The following LARP1 variants were observed in gnomAD, a reference collection of about 807,000 sequenced individuals.
The protein encoded by LARP1 is La ribonucleoprotein 1, translational regulator.
Under a neutral mutation model 122.7 loss-of-function variants are expected in LARP1, and 36 were observed. That is an observed-to-expected ratio of 0.29 (90% CI 0.22 to 0.39). The LOEUF (loss-of-function observed/expected upper bound fraction) is 0.39. LARP1 is among the 10% of genes least tolerant of loss of function. LARP1 has a pLI of 1.00. For missense variants in LARP1, 1,040 were observed against 1,403.6 expected, an observed-to-expected ratio of 0.74 and a Z score of 4.14; for synonymous variants, 539 against 528.7, an observed-to-expected ratio of 1.02 and a Z score of -0.27.
At position 154,783,496 on chromosome 5, in the gene LARP1, G is replaced by T. The variant is rs113158357; in HGVS notation, c.437-6829G>T. On this transcript the variant is annotated intron_variant, in intron 1 of 18. Coordinates refer to ENST00000518297, the MANE Select transcript of LARP1 (RefSeq NM_033551.3). ...CTGCTATTGAGAAACTGTCCTGTTG[G>T]CTACAATAAGGTTGTAACTTATACC... Among the ~76,000 whole-genome samples, 770 of 152,258 alleles carry T rather than the reference G, an allele frequency of 5.1e-3. 2 individuals are homozygous for T. The highest frequency in any genetic ancestry group is 0.017 in the African/African-American group (723 of 41,530).
chr5:154,801,586 A>G (rs1328017500), intron 10 of LARP1, among the ~76,000 whole-genome samples: 1 of 152,224 alleles, frequency 6.6e-6, no homozygotes, highest in Non-Finnish European at 1.5e-5. Flanking sequence ...TGAGTATATA[A>G]TGGAAAGCAA....
At chr5:154,759,464 C>A (rs1332735652) in intron 1 of LARP1, among the ~76,000 whole-genome samples, 1 of 152,132 alleles carries the variant, frequency 6.6e-6, no homozygotes, top group Non-Finnish European at 1.5e-5. Flanking sequence ...GTTGCTGACT[C>A]TTAAGAATTA....
At chr5:154,727,013 A>G (rs1413334080) in intron 1 of LARP1, among the ~76,000 whole-genome samples, 5 of 152,210 alleles carry the variant, frequency 3.3e-5, no homozygotes, top group Non-Finnish European at 2.9e-5. Flanking sequence ...GGGGATCATT[A>G]TAATTCAAGG....
intron 1 of LARP1, among the ~76,000 whole-genome samples, chr5:154,684,916 A>T (rs1753855007): frequency 6.6e-6 from 1 of 152,090 alleles, no homozygotes; most frequent in South Asian, 2.1e-4. Flanking sequence ...AGGGAGTGGG[A>T]TATGGAAGGG....
chr5:154,687,787 C>G (rs1424041323), intron 1 of LARP1, among the ~76,000 whole-genome samples: 2 of 152,098 alleles, frequency 1.3e-5, no homozygotes, highest in South Asian at 2.1e-4. Context: ...CAGGATAACA[C>G]GAGAGAACCT....
At chr5:154,762,283 G>A (rs1193985568) in intron 1 of LARP1, among the ~76,000 whole-genome samples, 1 of 151,864 alleles carries the variant, frequency 6.6e-6, no homozygotes, top group Non-Finnish European at 1.5e-5. Context: ...CCTACACAGA[G>A]GTAAGATGTA....
rs188723605 is a variant in LARP1 at position 154,755,686 on chromosome 5, C to T, written c.-72C>T. 7.6e-4 allele frequency: 748 copies of T among 987,810 alleles called. 6 individuals carry two copies. In the African/African-American group the frequency reaches 0.012, roughly 16 times the overall value. 61.2% of individuals were successfully genotyped at this position (987,810 alleles called of 1,614,324 possible). ...CCCGGAGGAAGGCGTCGCGGGCGCT[C>T]TGCTAGCCAAGTTCGAGGCGGGGGA... On this transcript the variant is annotated 5_prime_UTR_variant, in exon 1 of 19. Transcript: ENST00000518297.
intron 1 of LARP1, among the ~76,000 whole-genome samples, chr5:154,775,598 GTT>G (rs921789226): frequency 4.6e-5 from 7 of 152,132 alleles, no homozygotes; most frequent in African/African-American, 1.7e-4. Flanking sequence ...AATAAACAGT[GTT>G]TTTGATTCTT....
rs367840910 is a variant in LARP1, at chr5:154,705,117, C to A, written c.-180+22080C>A. On this transcript the variant is annotated intron_variant, in intron 1 of 18. Coordinates refer to the LARP1 transcript ENST00000687700. ...TGGGCGACAGATCAAGACTCCGTCT[C>A]AAAAAAAAAAAAAAAAAGGCAAAGG... 2.8e-3 allele frequency among the ~76,000 whole-genome samples: 303 copies of A among 107,052 alleles called. 1 individual carries two copies. Among genetic ancestry groups the A allele is most frequent in the South Asian group, 6.2e-3 (17 of 2,764 alleles). 70.2% of individuals were successfully genotyped at this position (107,052 alleles called of 152,430 possible).
At chr5:154,746,010 G>A (rs1172783426) in intron 1 of LARP1, among the ~76,000 whole-genome samples, 1 of 152,174 alleles carries the variant, frequency 6.6e-6, no homozygotes, top group Non-Finnish European at 1.5e-5. Flanking sequence ...TGGCCGGCCA[G>A]GATAGTCTCA....
chr5:154,723,451 A>G (rs1323645992), intron 1 of LARP1, among the ~76,000 whole-genome samples: 1 of 152,106 alleles, frequency 6.6e-6, no homozygotes, highest in African/African-American at 2.4e-5. Context: ...ATGGACTGGG[A>G]TGGGGAAAGT....
intron 1 of LARP1, among the ~76,000 whole-genome samples, chr5:154,696,164 C>T (rs1298721434): frequency 6.6e-6 from 1 of 151,964 alleles, no homozygotes; most frequent in Non-Finnish European, 1.5e-5. Context: ...TGAGACCAGC[C>T]AGGGTAACAC....
rs1030224452 is a variant in LARP1 at position 154,802,439 on chromosome 5, G to A, written c.2109+40G>A. 1.3e-6 allele frequency: 2 copies of A among 1,544,034 alleles called. No individual in the cohort carries two copies. The highest frequency in any genetic ancestry group is 1.7e-6 in the Non-Finnish European group (2 of 1,147,186). On this transcript the variant is annotated intron_variant, in intron 11 of 18. Transcript: ENST00000518297. This position sits in a 1 kb window ranked among gnomAD's most constrained non-coding sequence, Gnocchi z 5.1. ...TAGCAGTGAGTGTGGAGCCTGGTGT[G>A]CCTGTATTGTACGGAGAAGAGGAAG... is the stretch of plus-strand genomic sequence containing the variant.
Position 154,808,623 on chromosome 5 carries a change from G to A in LARP1, c.2843+20G>A, listed in dbSNP as rs1161234587. 6.2e-7 allele frequency: 1 copy of A among 1,606,254 alleles called. No homozygotes were observed. Among genetic ancestry groups the A allele is most frequent in the South Asian group, 1.1e-5 (1 of 90,156 alleles). On this transcript the variant is annotated intron_variant, in intron 16 of 18. Coordinates refer to ENST00000518297, the MANE Select transcript of LARP1 (RefSeq NM_033551.3). ...CTACAGGTGAGCAGGTTTGGGTGGG[G>A]GACTTTGGCTGGTGCTTAGGGATGA...
chr5:154,755,024 A>G (rs1753718406), upstream of LARP1, among the ~76,000 whole-genome samples: 1 of 151,806 alleles, frequency 6.6e-6, no homozygotes, highest in Non-Finnish European at 1.5e-5. Context: ...GCCCTTTAAG[A>G]TACCTCCCCT....
At chr5:154,781,925 A>G (rs1385864627) in intron 1 of LARP1, among the ~76,000 whole-genome samples, 1 of 152,146 alleles carries the variant, frequency 6.6e-6, no homozygotes, top group African/African-American at 2.4e-5. Context: ...CACAGATGCA[A>G]CCATTTCAGG....
chr5:154,754,132 G>A (rs1037200157), upstream of LARP1, among the ~76,000 whole-genome samples: 5 of 152,126 alleles, frequency 3.3e-5, no homozygotes, highest in Non-Finnish European at 7.3e-5. Context: ...AACAAAAGTA[G>A]CCCATCTAGT....
chr5:154,804,129 C>T (rs995556490), intron 13 of LARP1, 72 bp from the exon 14 acceptor site: 35 of 1,088,258 alleles, frequency 3.2e-5, no homozygotes, highest in Admixed American at 5.2e-5. Flanking sequence ...CCATCTTAGT[C>T]CTACAAGTGC....
In LARP1 at chr5:154,803,640, C is replaced by T; in HGVS notation, c.2334C>T (p.Arg778=). 4 of 1,614,184 alleles carry T rather than the reference C, an allele frequency of 2.5e-6. No individual in the cohort carries two copies. The South Asian group carries it at 3.3e-5, about 13-fold the overall frequency. Residue 778 remains arginine (R), a synonymous_variant, in exon 13 of 19, where the codon CGC becomes CGT. Coordinates refer to ENST00000518297, the MANE Select transcript of LARP1 (RefSeq NM_033551.3). The surrounding 1 kb of genome is among the most constrained non-coding windows in gnomAD (Gnocchi z 4.4). ...CTGTCCCAGAGTCACCAAACTACCG[C>T]AACACCAGGACCCCTCGCACTCCCC... The part of the protein sequence containing the change: ...PTTVPESPNY[R]NTRTPRTPRT...
Sources: gnomAD v4.1 joint callset for allele counts (sites outside exome capture counted in the v4.1 genomes callset) on GRCh38, gnomAD v4.1.1 for gene constraint, Gnocchi (gnomAD v3.1) non-coding constraint, MANE v1.5 for transcripts, NCBI Gene and HGNC (gene_info 2026-07-23, HGNC 2026-07-21) for gene names.